The following LPP variants were observed in gnomAD, a reference collection of about 807,000 sequenced individuals.
LPP encodes the protein LIM domain containing preferred translocation partner in lipoma, also known as lipoma-preferred partner.
Under a neutral mutation model 60.4 loss-of-function variants are expected in LPP, and 38 were observed. That is an observed-to-expected ratio of 0.63 (90% CI 0.49 to 0.83). The LOEUF (loss-of-function observed/expected upper bound fraction) is 0.83. LPP is among the 40% of genes least tolerant of loss of function. The pLI, the probability that LPP is intolerant of heterozygous loss-of-function variation, is 0.00. For missense variants in LPP, 902 were observed against 783.6 expected (o/e 1.15, Z -1.80); for synonymous variants, 328 against 290.8 (o/e 1.13, Z -1.30).
intron 6 of LPP, among the ~76,000 whole-genome samples, chr3:188,540,020 G>C (rs1448922409): frequency 3.3e-5 from 5 of 152,134 alleles, no homozygotes; most frequent in Admixed American, 2.6e-4. Flanking sequence ...CCTCAATCAT[G>C]ACTTTGCACA....
At chr3:188,427,319 T>G (rs1353461568) in intron 4 of LPP, among the ~76,000 whole-genome samples, 1 of 152,226 alleles carries the variant, frequency 6.6e-6, no homozygotes. Flanking sequence ...TGCAGAGAGA[T>G]CTGCTGTTAG....
intron 8 of LPP, among the ~76,000 whole-genome samples, chr3:188,716,715 GA>G (rs141845350): frequency 0.18 from 27,564 of 152,188 alleles, 3,195 homozygotes; most frequent in Middle Eastern, 0.36. Flanking sequence ...TTAAGAGACA[GA>G]AGAAAGTCTT....
chr3:188,688,730 G>A, intron 7 of LPP: 1 of 467,438 alleles, frequency 2.1e-6, no homozygotes, highest in East Asian at 6.9e-5. Flanking sequence ...AGTGCCTTTT[G>A]CATGGTAGAC....
intron 2 of LPP, among the ~76,000 whole-genome samples, chr3:188,268,017 A>ATTTTTTTTT (rs5855185): frequency 2.0e-5 from 2 of 102,346 alleles, no homozygotes; most frequent in Non-Finnish European, 3.9e-5. Flanking sequence ...ATTTTTAAGG[A>ATTTTTTTTT]TTTTTTTTTT....
At position 188,610,232 on chromosome 3, in the gene LPP, T is replaced by TTGCTTGC. The variant is rs1843403122; in HGVS notation, c.1113+388_1113+389insTGCTTGC. Among the ~76,000 whole-genome samples the TTGCTTGC allele has an allele frequency of 6.6e-6, 1 of 152,252 alleles. No homozygotes were observed. Among genetic ancestry groups the TTGCTTGC allele is most frequent in the Non-Finnish European group, 1.5e-5 (1 of 68,042 alleles). On this transcript the variant is annotated intron_variant, in intron 7 of 11. Transcript: ENST00000617246. The surrounding 1 kb of genome is among the most constrained non-coding windows in gnomAD (Gnocchi z 4.4). ...CTACACCTTGCATTTGCTTGGACAT[T>TTGCTTGC]AAACAGGTCTGTAGTATCTCAAGCC...
At chr3:188,424,538 C>G (rs1373245846) in intron 4 of LPP, among the ~76,000 whole-genome samples, 1 of 152,076 alleles carries the variant, frequency 6.6e-6, no homozygotes. Flanking sequence ...CTGTAAATTA[C>G]TTTGGGCAGT....
chr3:188,312,920 T>G, intron 2 of LPP: 1 of 150,722 alleles, frequency 6.6e-6, no homozygotes, highest in African/African-American at 2.5e-5. Flanking sequence ...TACTCACAGG[T>G]GGGAATTGAA....
chr3:188,835,196 C>T (rs1418410362), intron 9 of LPP, among the ~76,000 whole-genome samples: 1 of 151,686 alleles, frequency 6.6e-6, no homozygotes, highest in Non-Finnish European at 1.5e-5. Flanking sequence ...CGGTGGCTCA[C>T]TCCTGTAATC....
At chr3:188,360,574 C>A (rs915307841) in intron 3 of LPP, among the ~76,000 whole-genome samples, 1 of 151,962 alleles carries the variant, frequency 6.6e-6, no homozygotes, top group Non-Finnish European at 1.5e-5. Flanking sequence ...CCAGGCTGGT[C>A]TTGAATTCCT....
intron 2 of LPP, among the ~76,000 whole-genome samples, chr3:188,286,865 C>T (rs568339410): frequency 6.6e-6 from 1 of 152,202 alleles, no homozygotes; most frequent in East Asian, 1.9e-4. Context: ...CCATGTAAGA[C>T]AAAGCACAGG....
chr3:188,586,951 G>T (rs1027500987), intron 6 of LPP, among the ~76,000 whole-genome samples: 9 of 151,918 alleles, frequency 5.9e-5, no homozygotes, highest in Non-Finnish European at 1.0e-4. Context: ...GGCTGGTCTT[G>T]AACACCTGAC....
chr3:188,668,019 A>T (rs957535700), intron 7 of LPP, among the ~76,000 whole-genome samples: 1 of 152,096 alleles, frequency 6.6e-6, no homozygotes, highest in Non-Finnish European at 1.5e-5. Context: ...GTAAACTCAC[A>T]TTATCACTTA....
intron 7 of LPP, among the ~76,000 whole-genome samples, chr3:188,664,140 C>A (rs183103116): frequency 1.8e-3 from 274 of 152,322 alleles, no homozygotes; most frequent in African/African-American, 6.3e-3. Context: ...TAAGTGCCAA[C>A]TCACCTCTAA....
intron 4 of LPP, among the ~76,000 whole-genome samples, 194 bp from the exon 5 acceptor site, chr3:188,484,398 C>T (rs1010701872): frequency 6.6e-6 from 1 of 152,172 alleles, no homozygotes; most frequent in Admixed American, 6.5e-5. Context: ...AATATCAAAT[C>T]CGATACTCTT....
intron 7 of LPP, among the ~76,000 whole-genome samples, chr3:188,665,971 C>T (rs575085172): frequency 6.6e-6 from 1 of 152,302 alleles, no homozygotes; most frequent in African/African-American, 2.4e-5. Context: ...TATAATTCTA[C>T]AATTAGTGTT....
chr3:188,326,174 T>C (rs887879741), intron 2 of LPP, among the ~76,000 whole-genome samples: 3 of 152,086 alleles, frequency 2.0e-5, no homozygotes, highest in African/African-American at 7.2e-5. Flanking sequence ...AAGTTTGGCG[T>C]TTGAGGTGGT....
chr3:188,278,708 C>G (rs753491151), intron 2 of LPP, among the ~76,000 whole-genome samples: 1 of 151,816 alleles, frequency 6.6e-6, no homozygotes, highest in Non-Finnish European at 1.5e-5. Context: ...TAATACAATA[C>G]GTTATAATAA....
chr3:188,510,012 G>A (rs959471038), intron 5 of LPP, among the ~76,000 whole-genome samples: 4 of 151,294 alleles, frequency 2.6e-5, no homozygotes, highest in South Asian at 2.1e-4. Flanking sequence ...CCACTGCACC[G>A]GGCCTGTCTC....
At chr3:188,713,047 C>T (rs1205016541) in intron 8 of LPP, among the ~76,000 whole-genome samples, 1 of 152,064 alleles carries the variant, frequency 6.6e-6, no homozygotes, top group East Asian at 1.9e-4. Context: ...TCACAGATGA[C>T]TTAAGTACAA....
Sources: allele counts gnomAD v4.1 joint callset (sites outside exome capture counted in the v4.1 genomes callset), GRCh38; gene constraint gnomAD v4.1.1; non-coding constraint Gnocchi (gnomAD v3.1); transcripts MANE v1.5; gene names NCBI Gene and HGNC (gene_info 2026-07-23, HGNC 2026-07-21).